ZNF514: variants seen among roughly 807,000 people sequenced by gnomAD.
ZNF514 encodes the protein zinc finger protein 514.
ZNF514 carries 12 observed loss-of-function variants against 9.7 expected under a neutral mutation model. The ratio of observed to expected loss-of-function variants is 1.24; its 90% confidence interval spans 0.79 to 2.01. ZNF514 has a LOEUF of 2.01. Ranked by LOEUF, ZNF514 falls within the 30% of genes most tolerant of loss-of-function variation. The pLI, the probability that ZNF514 is intolerant of heterozygous loss-of-function variation, is 0.00. For synonymous variants in ZNF514, 158 were observed against 163.7 expected (o/e 0.97, Z 0.27); for missense variants, 467 against 465.5 (o/e 1.00, Z -0.03).
the ZNF514 span, among the ~76,000 whole-genome samples, chr2:95,135,017 G>T: frequency 1.3e-5 from 2 of 152,252 alleles, no homozygotes; most frequent in African/African-American, 4.8e-5. Context: ...TTTGAAATTA[G>T]TAAGTGTGAG....
intron 4 of ZNF514, among the ~76,000 whole-genome samples, chr2:95,151,764 T>C (rs1372905161): frequency 6.6e-6 from 1 of 152,220 alleles, no homozygotes; most frequent in Non-Finnish European, 1.5e-5. Context: ...ACAAGCTCCC[T>C]GGGACATTCT....
chr2:95,150,409 A>T (rs1288143245), intron 4 of ZNF514, 142 bp from the exon 5 acceptor site: 1 of 917,726 alleles, frequency 1.1e-6, no homozygotes, highest in Non-Finnish European at 1.6e-6. Flanking sequence ...TTTTTTCAAT[A>T]ATGGCTTATG....
rs957257881 is a variant in ZNF514, at chr2:95,145,259, G to A, written c.*4023C>T. ...CTAGCTCAGGCCATGATGGGAATGGGTGGTCAGACATACCTCATTATACCT... is the reference window on the plus strand; with the variant it reads ...CTAGCTCAGGCCATGATGGGAATGGATGGTCAGACATACCTCATTATACCT... On this transcript the variant is annotated 3_prime_UTR_variant, in exon 5 of 5. Coordinates refer to ENST00000295208, the MANE Select transcript of ZNF514 (RefSeq NM_032788.3). Among the ~76,000 whole-genome samples the A allele has an allele frequency of 6.6e-6, 1 of 152,180 alleles. No individual in the cohort carries two copies. The highest frequency in any genetic ancestry group is 1.5e-5 in the Non-Finnish European group (1 of 68,034).
downstream of ZNF514, among the ~76,000 whole-genome samples, chr2:95,141,167 T>C (rs1676822929): frequency 1.3e-5 from 2 of 152,160 alleles, no homozygotes; most frequent in East Asian, 3.9e-4. Context: ...ATACCACCTG[T>C]TCCCCAAAAA....
downstream of ZNF514, among the ~76,000 whole-genome samples, chr2:95,143,385 C>T (rs1673290469): frequency 6.6e-6 from 1 of 152,130 alleles, no homozygotes; most frequent in South Asian, 2.1e-4. Context: ...CTTTGGGAGG[C>T]CGAGGCGGGT....
At chr2:95,130,020 CG>C in the ZNF514 span, among the ~76,000 whole-genome samples, 1 of 152,040 alleles carries the variant, frequency 6.6e-6, no homozygotes, top group Non-Finnish European at 1.5e-5. Flanking sequence ...AGGAGGATAT[CG>C]GGGGACCTGC....
At chr2:95,141,041 G>C (rs1441139226), downstream of ZNF514, among the ~76,000 whole-genome samples, 1 of 152,016 alleles carries the variant, frequency 6.6e-6, no homozygotes, top group Non-Finnish European at 1.5e-5. Context: ...GGACTCAGGG[G>C]AAACGGTGGG....
chr2:95,131,035 G>T, the ZNF514 span, among the ~76,000 whole-genome samples: 1 of 152,142 alleles, frequency 6.6e-6, no homozygotes, highest in Non-Finnish European at 1.5e-5. Context: ...CACAATTCAC[G>T]TTCTTCTGCC....
rs776586085 is a variant in ZNF514, at chr2:95,150,030, T to G, written c.455A>C (p.Lys152Thr). 6.2e-7 allele frequency: 1 copy of G among 1,614,172 alleles called. No homozygotes were observed. The highest frequency in any genetic ancestry group is 1.1e-5 in the South Asian group (1 of 91,080). ...KSATTLSRDY[K>T]WNGFGRSLGL... ...TAAGCTTCTCCCAAATCCATTCCATTTATAATCTCTGCTAAGGGTGGTGGC... is the reference window on the plus strand; with the variant it reads ...TAAGCTTCTCCCAAATCCATTCCATGTATAATCTCTGCTAAGGGTGGTGGC... Residue 152 changes from lysine to threonine, a missense_variant, in exon 5 of 5, where the codon AAA (lysine) becomes ACA (threonine). Physicochemically the swap from Lys to Thr is moderately conservative, Grantham distance 78. Coordinates refer to ENST00000295208, the MANE Select transcript of ZNF514 (RefSeq NM_032788.3).
the ZNF514 span, among the ~76,000 whole-genome samples, chr2:95,136,289 C>T: frequency 6.6e-6 from 1 of 151,878 alleles, no homozygotes; most frequent in South Asian, 2.1e-4. Context: ...TGGAGTCTCA[C>T]TCTGTTGCCC....
chr2:95,142,422 T>C (rs1456188927), downstream of ZNF514, among the ~76,000 whole-genome samples: 1 of 152,234 alleles, frequency 6.6e-6, no homozygotes, highest in East Asian at 1.9e-4. Context: ...CCAATGAACT[T>C]CATAGGGTGA....
chr2:95,155,729 T>A (rs1673670901), intron 2 of ZNF514: 1 of 152,202 alleles, frequency 6.6e-6, no homozygotes, highest in Non-Finnish European at 1.5e-5. Context: ...CCCTTTAGGA[T>A]CCTCACTCTA....
intron 2 of ZNF514, chr2:95,155,485 A>C (rs1276988341): frequency 6.6e-6 from 1 of 152,098 alleles, no homozygotes; most frequent in African/African-American, 2.4e-5. Flanking sequence ...TGTATATTGG[A>C]TATATGGATT....
Position 95,148,202 on chromosome 2 carries a change from C to T in ZNF514, c.*1080G>A, listed in dbSNP as rs1413901659. The T allele has an allele frequency of 6.6e-6, 1 of 152,212 alleles. No homozygotes were observed. Among genetic ancestry groups the T allele is most frequent in the African/African-American group, 2.4e-5 (1 of 41,444 alleles). The allele number at this position is 152,212 out of a possible 1,614,324, so 9.4% of individuals were successfully genotyped here. On this transcript the variant is annotated 3_prime_UTR_variant, in exon 5 of 5. Transcript: ENST00000295208. ...GTTAGGACTATAGGCCAAGGCATGT[C>T]ACTTTCTGAACATCAGTTTTATTAG...
intron 1 of ZNF514, 143 bp downstream of exon 1, chr2:95,159,097 G>A (rs1364433903): frequency 7.4e-6 from 8 of 1,085,080 alleles, no homozygotes; most frequent in Admixed American, 3.6e-5. Flanking sequence ...GGGCTGCCTG[G>A]GGGACACGGG....
In ZNF514 at chr2:95,149,345, G is replaced by A. The variant is rs775120238; in HGVS notation, c.1140C>T (p.Ala380=). The change falls in exon 5 of 5, where the codon GCC becomes GCT. Residue 380 remains alanine, a synonymous_variant. Transcript: ENST00000295208. The stretch of plus-strand genomic sequence containing the variant: ...TAATAAGGGATGCAGTATGAGCAAA[G>A]GCCCTTCCACACTCATTACATTTGT... ...KPYKCNECGR[A]FAHTASLIKH... The A allele has an allele frequency of 6.2e-7, 1 of 1,612,382 alleles. No individual in the cohort carries two copies. Among genetic ancestry groups the A allele is most frequent in the Non-Finnish European group, 8.5e-7 (1 of 1,178,780 alleles).
intron 1 of ZNF514, 83 bp downstream of exon 1, chr2:95,159,157 A>T (rs559730576): frequency 5.7e-5 from 30 of 522,574 alleles, no homozygotes; most frequent in African/African-American, 5.6e-4. Context: ...GGCCCAGAGC[A>T]GGGCCGGCAA....
chr2:95,155,178 C>A (rs1415689937), intron 2 of ZNF514: 1 of 152,190 alleles, frequency 6.6e-6, no homozygotes, highest in Admixed American at 6.5e-5. Flanking sequence ...AGCTGCTTTG[C>A]CCCCAAGAAA....
At chr2:95,154,525 T>C (rs1673637101) in intron 2 of ZNF514, 1 of 152,274 alleles carries the variant, frequency 6.6e-6, no homozygotes, top group Non-Finnish European at 1.5e-5. Context: ...GGTGAAACTA[T>C]TGCCTTCAGT....
Sources: allele counts gnomAD v4.1 joint callset (sites outside exome capture counted in the v4.1 genomes callset), GRCh38; gene constraint gnomAD v4.1.1; transcripts MANE v1.5; gene names NCBI Gene and HGNC (gene_info 2026-07-23, HGNC 2026-07-21).